The following CDK17 variants were observed in gnomAD, a reference collection of about 807,000 sequenced individuals.
CDK17 encodes the protein cyclin dependent kinase 17, also known as cyclin-dependent kinase 17.
A neutral mutation model predicts 77.6 loss-of-function variants in CDK17; 24 were observed. That is an observed-to-expected ratio of 0.31 (90% confidence interval 0.22 to 0.44). The LOEUF is 0.44. CDK17 is among the 20% of genes least tolerant of loss of function. The pLI is 1.00. For synonymous variants in CDK17, 203 were observed against 210.4 expected, an observed-to-expected ratio of 0.96 and a Z score of 0.30; for missense variants, 429 against 622.5, an observed-to-expected ratio of 0.69 and a Z score of 3.31.
At chr12:96,304,366 G>C (rs759772196) in intron 5 of CDK17, among the ~76,000 whole-genome samples, 1 of 152,070 alleles carries the variant, frequency 6.6e-6, no homozygotes, top group Non-Finnish European at 1.5e-5. Context: ...GTGAAACCCT[G>C]TCTCTACTAA....
chr12:96,330,482 A>G (rs1565822669), intron 2 of CDK17, among the ~76,000 whole-genome samples: 2 of 152,190 alleles, frequency 1.3e-5, no homozygotes, highest in African/African-American at 2.4e-5. Flanking sequence ...ACATTTTCAT[A>G]TTGCTAAAGG....
intron 13 of CDK17, among the ~76,000 whole-genome samples, chr12:96,285,476 GT>G (rs1165397042): frequency 6.6e-6 from 1 of 152,080 alleles, no homozygotes; most frequent in Non-Finnish European, 1.5e-5. Context: ...GGAAAATGCA[GT>G]CAAAGGGGTT....
chr12:96,286,431 C>T (rs776694335), intron 12 of CDK17, among the ~76,000 whole-genome samples: 1 of 151,928 alleles, frequency 6.6e-6, no homozygotes, highest in African/African-American at 2.4e-5. Flanking sequence ...ATCCAATTTT[C>T]CATACTAATT....
intron 1 of CDK17, among the ~76,000 whole-genome samples, chr12:96,365,310 T>C (rs1318069739): frequency 6.6e-6 from 1 of 152,206 alleles, no homozygotes; most frequent in Non-Finnish European, 1.5e-5. Context: ...ACATCCATCA[T>C]TTTATTTGAC....
chr12:96,356,420 C>G (rs1565833853), intron 1 of CDK17, among the ~76,000 whole-genome samples: 1 of 152,286 alleles, frequency 6.6e-6, no homozygotes, highest in South Asian at 2.1e-4. Context: ...CTCAGCCCCC[C>G]AAGTCGCTGG....
At chr12:96,297,526 C>G (rs1952425984) in intron 8 of CDK17, 101 bp downstream of exon 8, 2 of 880,658 alleles carry the variant, frequency 2.3e-6, no homozygotes. Context: ...TTTAGCTAAG[C>G]ACAGCTGCAG....
At chr12:96,345,736 T>C (rs1203329565) in intron 1 of CDK17, among the ~76,000 whole-genome samples, 1 of 152,102 alleles carries the variant, frequency 6.6e-6, no homozygotes, top group African/African-American at 2.4e-5. Flanking sequence ...TTTTAAGATG[T>C]TAACTATAAT....
intron 1 of CDK17, among the ~76,000 whole-genome samples, chr12:96,393,354 CAAA>C (rs10633197): frequency 1.8e-4 from 8 of 43,346 alleles, no homozygotes; most frequent in South Asian, 1.1e-3. Context: ...GGCTCCGCCT[CAAA>C]AAAAAAAAAA....
chr12:96,380,577 C>G (rs1394982525), intron 1 of CDK17, among the ~76,000 whole-genome samples: 1 of 152,204 alleles, frequency 6.6e-6, no homozygotes, highest in Non-Finnish European at 1.5e-5. Context: ...GCGTGAGACA[C>G]TGTGCCCGGC....
chr12:96,372,137 C>G (rs1953705648), intron 1 of CDK17, among the ~76,000 whole-genome samples: 1 of 152,150 alleles, frequency 6.6e-6, no homozygotes, highest in African/African-American at 2.4e-5. Flanking sequence ...CTTTTAAAAA[C>G]TAACACTATT....
Position 96,368,816 on chromosome 12 carries a change from G to T in CDK17, c.-30+31170C>A, listed in dbSNP as rs376685246. ...GAAGCTACTCTAAGACGGGGGGGGG[G>T]GGGGGGGGCACAATGAATAAGGCTG... On this transcript the variant is annotated intron_variant, in intron 1 of 16. Coordinates refer to ENST00000261211, the MANE Select transcript of CDK17 (RefSeq NM_002595.5). Among the ~76,000 whole-genome samples, 6 of 90,688 alleles carry T rather than the reference G, an allele frequency of 6.6e-5. 2 individuals are homozygous for T. The highest frequency in any genetic ancestry group is 5.5e-4 in the South Asian group (1 of 1,808). 59.5% of individuals were successfully genotyped at this position (90,688 alleles called of 152,430 possible).
At chr12:96,348,379 C>T (rs544143671) in intron 1 of CDK17, among the ~76,000 whole-genome samples, 1 of 151,778 alleles carries the variant, frequency 6.6e-6, no homozygotes, top group Admixed American at 6.6e-5. Context: ...CAAAAATTAG[C>T]TGGACGTCAA....
At chr12:96,349,453 CA>C (rs1489746829) in intron 1 of CDK17, among the ~76,000 whole-genome samples, 1 of 111,590 alleles carries the variant, frequency 9.0e-6, no homozygotes. Context: ...AACCCTGTCT[CA>C]AAAAAAAAGA....
At chr12:96,353,195 A>G (rs142405759) in intron 1 of CDK17, among the ~76,000 whole-genome samples, 3 of 152,214 alleles carry the variant, frequency 2.0e-5, no homozygotes, top group African/African-American at 7.2e-5. Flanking sequence ...CATGAATTCC[A>G]TCAGGCCATA....
chr12:96,342,856 G>T (rs1953142306), intron 1 of CDK17, among the ~76,000 whole-genome samples: 2 of 151,994 alleles, frequency 1.3e-5, no homozygotes, highest in South Asian at 4.2e-4. Context: ...CAGCTACTCG[G>T]GAGGCTGCCG....
At chr12:96,341,841 T>C (rs899561005) in intron 1 of CDK17, among the ~76,000 whole-genome samples, 1 of 152,198 alleles carries the variant, frequency 6.6e-6, no homozygotes, top group African/African-American at 2.4e-5. Context: ...AAGAAACTCT[T>C]TGCATACAAT....
At chr12:96,348,373 A>T (rs1169807988) in intron 1 of CDK17, among the ~76,000 whole-genome samples, 1 of 151,882 alleles carries the variant, frequency 6.6e-6, no homozygotes, top group Admixed American at 6.6e-5. Flanking sequence ...AAAATACAAA[A>T]ATTAGCTGGA....
chr12:96,363,927 A>T (rs1330845375), intron 1 of CDK17, among the ~76,000 whole-genome samples: 1 of 152,248 alleles, frequency 6.6e-6, no homozygotes, highest in Non-Finnish European at 1.5e-5. Context: ...GCGAGAAGGC[A>T]ACCAAGTAGC....
At chr12:96,355,554 G>C (rs1953381355) in intron 1 of CDK17, among the ~76,000 whole-genome samples, 1 of 151,692 alleles carries the variant, frequency 6.6e-6, no homozygotes, top group Non-Finnish European at 1.5e-5. Context: ...ACAGGCACGC[G>C]CTACCATGTC....
Sources: allele counts gnomAD v4.1 joint callset (sites outside exome capture counted in the v4.1 genomes callset), GRCh38; gene constraint gnomAD v4.1.1; transcripts MANE v1.5; gene names NCBI Gene and HGNC (gene_info 2026-07-23, HGNC 2026-07-21).